Variants in VWC2L observed in about 807,000 individuals in gnomAD.
VWC2L encodes von Willebrand factor C domain-containing protein 2-like.
In VWC2L, 10 loss-of-function variants were observed where a neutral mutation model predicts 21.6. The observed-to-expected ratio is 0.46, with a 90% CI of 0.29 to 0.78. The LOEUF is 0.78. Among genes scored for constraint, VWC2L ranks in the 30% least tolerant of loss-of-function variants. The pLI is 0.10. For missense variants in VWC2L, 209 were observed against 277.1 expected (o/e 0.75, Z 1.74); for synonymous variants, 96 against 94.3 (o/e 1.02, Z -0.10).
chr2:214,573,012 A>G (rs1468747775), intron 3 of VWC2L, among the ~76,000 whole-genome samples: 1 of 152,192 alleles, frequency 6.6e-6, no homozygotes, highest in Non-Finnish European at 1.5e-5. Flanking sequence ...CTCTTAAGAA[A>G]TGGTGTATAG....
chr2:214,563,033 G>T (rs191773334), intron 3 of VWC2L, among the ~76,000 whole-genome samples: 105 of 152,128 alleles, frequency 6.9e-4, no homozygotes, highest in Middle Eastern at 3.4e-3. Context: ...TCTTTCCCTT[G>T]CCTGCATCCT....
chr2:214,440,633 A>T (rs1702752409), intron 3 of VWC2L, among the ~76,000 whole-genome samples: 1 of 152,098 alleles, frequency 6.6e-6, no homozygotes. Flanking sequence ...TATATATTTT[A>T]TATATATAGC....
chr2:214,562,111 C>T (rs1689984674), intron 3 of VWC2L, among the ~76,000 whole-genome samples: 1 of 151,700 alleles, frequency 6.6e-6, no homozygotes, highest in Non-Finnish European at 1.5e-5. Context: ...GGTATTAAGC[C>T]CAGTATTTAT....
At chr2:214,549,732 C>T (rs1689763862) in intron 3 of VWC2L, among the ~76,000 whole-genome samples, 1 of 152,226 alleles carries the variant, frequency 6.6e-6, no homozygotes. Flanking sequence ...GAGATCGTGC[C>T]ACTGCACTCC....
At chr2:214,524,895 C>T (rs1350070229) in intron 3 of VWC2L, among the ~76,000 whole-genome samples, 2 of 151,082 alleles carry the variant, frequency 1.3e-5, no homozygotes, top group Admixed American at 6.6e-5. Context: ...TTCTATTTTT[C>T]CACCGACATC....
At chr2:214,462,561 G>A (rs1406709860) in intron 3 of VWC2L, among the ~76,000 whole-genome samples, 1 of 152,158 alleles carries the variant, frequency 6.6e-6, no homozygotes, top group Non-Finnish European at 1.5e-5. Flanking sequence ...TCTTGATGTT[G>A]ATGATTTTTC....
At chr2:214,479,534 G>A (rs960775815) in intron 3 of VWC2L, among the ~76,000 whole-genome samples, 2 of 152,178 alleles carry the variant, frequency 1.3e-5, no homozygotes, top group African/African-American at 4.8e-5. Context: ...ACCAGGCATG[G>A]TAGCTTACGC....
chr2:214,515,855 G>T (rs1689133620), intron 3 of VWC2L, among the ~76,000 whole-genome samples: 1 of 152,192 alleles, frequency 6.6e-6, no homozygotes. Flanking sequence ...AGGGATTACA[G>T]TGAGCCACCG....
At chr2:214,522,236 G>A (rs920018783) in intron 3 of VWC2L, among the ~76,000 whole-genome samples, 1 of 152,078 alleles carries the variant, frequency 6.6e-6, no homozygotes, top group South Asian at 2.1e-4. Flanking sequence ...TTAGCCATGC[G>A]TGGTGGCGGG....
chr2:214,566,304 C>T (rs1456151366), intron 3 of VWC2L, among the ~76,000 whole-genome samples: 1 of 152,172 alleles, frequency 6.6e-6, no homozygotes, highest in Non-Finnish European at 1.5e-5. Context: ...GCGAATTTTC[C>T]TGAAATTAGG....
chr2:214,412,920 T>G lies in VWC2L; in HGVS notation c.-81+1134T>G, dbSNP rs369339068. ...AGCCAATAGCATTTAAATAAAAAAA[T>G]GAGCTATTTGACAATACTTTTTCTT... On this transcript the variant is annotated intron_variant, in intron 1 of 3. Coordinates refer to ENST00000312504, the MANE Select transcript of VWC2L (RefSeq NM_001080500.4). Among the ~76,000 whole-genome samples the G allele has an allele frequency of 8.6e-5, 13 of 150,996 alleles. No homozygotes were observed. In the East Asian group the frequency reaches 2.3e-3, roughly 27 times the overall value.
chr2:214,545,286 A>G (rs923244653), intron 3 of VWC2L, among the ~76,000 whole-genome samples: 1 of 152,176 alleles, frequency 6.6e-6, no homozygotes, highest in Non-Finnish European at 1.5e-5. Flanking sequence ...TGCACCCTCC[A>G]TTTAAAAGCC....
chr2:214,513,409 T>C (rs970052582), intron 3 of VWC2L, among the ~76,000 whole-genome samples: 4 of 152,122 alleles, frequency 2.6e-5, no homozygotes, highest in African/African-American at 9.7e-5. Context: ...CTGGGCAATG[T>C]TTCTGAAGAT....
chr2:214,564,721 A>G (rs1238196817), intron 3 of VWC2L, among the ~76,000 whole-genome samples: 3 of 152,248 alleles, frequency 2.0e-5, no homozygotes, highest in Non-Finnish European at 2.9e-5. Context: ...AGGAAGCACT[A>G]CAACATTAAA....
intron 3 of VWC2L, among the ~76,000 whole-genome samples, chr2:214,466,142 G>GATAA (rs1559299197): frequency 6.6e-6 from 1 of 151,660 alleles, no homozygotes; most frequent in African/African-American, 2.4e-5. Context: ...TTTTTGTGTA[G>GATAA]TTGTTCATTT....
intron 2 of VWC2L, among the ~76,000 whole-genome samples, chr2:214,422,593 A>G (rs1291442413): frequency 6.6e-6 from 1 of 152,190 alleles, no homozygotes; most frequent in Admixed American, 6.5e-5. Context: ...TTCTCAAACA[A>G]TAGGCATTAT....
chr2:214,537,002 A>ACACACACG (rs1457823769), intron 3 of VWC2L: 1 of 151,606 alleles, frequency 6.6e-6, no homozygotes, highest in African/African-American at 2.4e-5. Context: ...ACACACACGC[A>ACACACACG]CACACACTTT....
intron 3 of VWC2L, among the ~76,000 whole-genome samples, chr2:214,466,388 T>C (rs1703217610): frequency 6.6e-6 from 1 of 152,172 alleles, no homozygotes. Flanking sequence ...AAAATGCCCC[T>C]CCCTAGCTGC....
intron 1 of VWC2L, among the ~76,000 whole-genome samples, chr2:214,412,549 T>C (rs1020945481): frequency 5.3e-5 from 8 of 152,092 alleles, no homozygotes; most frequent in Admixed American, 5.2e-4. Context: ...TCATGACTTA[T>C]TATTTTTGAC....
Sources: gnomAD v4.1 joint callset for allele counts (sites outside exome capture counted in the v4.1 genomes callset) on GRCh38, gnomAD v4.1.1 for gene constraint, MANE v1.5 for transcripts, NCBI Gene and HGNC (gene_info 2026-07-23, HGNC 2026-07-21) for gene names.